SUCO: variants seen among roughly 807,000 people sequenced by gnomAD.
SUCO encodes the protein SUN domain containing ossification factor.
SUCO carries 57 observed loss-of-function variants against 148.1 expected under a neutral mutation model. The observed-to-expected ratio is 0.38, with a 90% CI of 0.31 to 0.48. SUCO has a LOEUF of 0.48. SUCO is among the 20% of genes least tolerant of loss of function. The pLI is 0.96. For missense variants in SUCO, 1,331 were observed against 1,468.2 expected (o/e 0.91, Z 1.53); for synonymous variants, 470 against 502.7 (o/e 0.93, Z 0.87).
At chr1:172,593,399 T>C (rs967839275) in intron 19 of SUCO, among the ~76,000 whole-genome samples, 6 of 152,254 alleles carry the variant, frequency 3.9e-5, no homozygotes, top group Non-Finnish European at 5.9e-5. Flanking sequence ...CAGTATGATA[T>C]TGGCTGTGGG....
chr1:172,559,345 G>C (rs1653971926), intron 6 of SUCO, among the ~76,000 whole-genome samples: 1 of 152,170 alleles, frequency 6.6e-6, no homozygotes, highest in African/African-American at 2.4e-5. Flanking sequence ...TTTTGTATTT[G>C]AGCTTTACTT....
rs557718140 is a variant in SUCO at position 172,573,700 on chromosome 1, C to T, written c.1050-191C>T. Among the ~76,000 whole-genome samples the T allele has an allele frequency of 2.3e-4, 35 of 152,126 alleles. No homozygotes were observed. In the South Asian group the frequency reaches 6.9e-3, roughly 30 times the overall value. On this transcript the variant is annotated intron_variant, in intron 9 of 23. Transcript: ENST00000263688. ...TTGTTTTATTTACAGGTCTTTTCCC[C>T]CCACTAATGGTATCCTTTGGGAAGT...
At chr1:172,539,034 G>GA (rs1652238846) in intron 1 of SUCO, among the ~76,000 whole-genome samples, 1 of 152,112 alleles carries the variant, frequency 6.6e-6, no homozygotes. Flanking sequence ...ACAGGCAATG[G>GA]AAAAAATAAA....
chr1:172,589,299 T>C lies in SUCO; in HGVS notation c.2198T>C (p.Leu733Pro). The change falls in exon 18 of 24, where the codon CTT becomes CCT. Residue 733 changes from leucine to proline, a missense_variant. Leu to Pro is a moderately conservative substitution (Grantham distance 98, BLOSUM62 -3). Around this residue, in one of 3 missense-constraint regions of SUCO, gnomAD observed 992 missense variants for 1,093.5 expected, o/e 0.91. Transcript: ENST00000263688. The stretch of plus-strand genomic sequence containing the variant: ...CATTCTCAAACTCTTTCTCAGTCTC[T>C]TCTTTTAGATATTACCCCAGAAATC... ...PSHSQTLSQS[L>P]LLDITPEINP... is the part of the protein sequence containing the mutation. 6.2e-7 allele frequency: 1 copy of C among 1,613,522 alleles called. No individual in the cohort carries two copies. The highest frequency in any genetic ancestry group is 8.5e-7 in the Non-Finnish European group (1 of 1,179,754).
chr1:172,609,913 C>T lies in SUCO; in HGVS notation c.3419C>T (p.Pro1140Leu). 6.2e-7 allele frequency: 1 copy of T among 1,613,850 alleles called. No individual in the cohort carries two copies. The highest frequency in any genetic ancestry group is 8.5e-7 in the Non-Finnish European group (1 of 1,179,844). ...IANGDIKGRK[P>L]FTNQRDFSNM... ...AATGGCGACATAAAAGGAAGAAAGC[C>T]CTTTACGAACCAGAGAGATTTTTCT... The change falls in exon 24 of 24, where the codon CCC (proline) becomes CTC (leucine). Residue 1140 changes from proline (P) to leucine (L), a missense_variant. Pro to Leu is a moderately conservative substitution (Grantham distance 98). This residue lies in a region of SUCO where 334 missense variants were observed against 352.3 expected (regional missense o/e 0.95). Transcript: ENST00000263688.
chr1:172,579,363 G>T, intron 15 of SUCO, 96 bp downstream of exon 15: 1 of 699,152 alleles, frequency 1.4e-6, no homozygotes, highest in South Asian at 1.9e-5. Context: ...AATTCTCCCA[G>T]TGTTGAACTT....
intron 1 of SUCO, among the ~76,000 whole-genome samples, chr1:172,536,479 A>C (rs1330351519): frequency 6.6e-6 from 1 of 152,148 alleles, no homozygotes; most frequent in Non-Finnish European, 1.5e-5. Context: ...TTTCATCATA[A>C]CATTATTCAA....
intron 15 of SUCO, among the ~76,000 whole-genome samples, chr1:172,580,877 G>C (rs1048570469): frequency 3.9e-5 from 6 of 152,134 alleles, no homozygotes; most frequent in Admixed American, 2.0e-4. Context: ...CTAGATAGGC[G>C]GATGACCTGA....
chr1:172,551,386 TA>T, intron 1 of SUCO, 125 bp from the exon 2 acceptor site: 2 of 541,546 alleles, frequency 3.7e-6, no homozygotes, highest in South Asian at 5.6e-5. Flanking sequence ...GGTATTAGGA[TA>T]GGAACCATCT....
chr1:172,578,501 CTTTTG>C (rs1655631311), intron 14 of SUCO, 112 bp downstream of exon 14: 2 of 1,379,782 alleles, frequency 1.4e-6, no homozygotes, highest in East Asian at 2.7e-5. Context: ...TGTCTTCAGG[CTTTTG>C]TTTTGTTGTT....
intron 9 of SUCO, among the ~76,000 whole-genome samples, chr1:172,572,596 A>G (rs959958453): frequency 6.6e-5 from 10 of 151,046 alleles, no homozygotes; most frequent in Admixed American, 6.6e-4. Context: ...TAGGAAAACC[A>G]GAGACCTTTG....
chr1:172,577,569 C>T lies in SUCO; in HGVS notation c.1284+10C>T. On this transcript the variant is annotated intron_variant, in intron 12 of 23. Coordinates refer to ENST00000263688, the MANE Select transcript of SUCO (RefSeq NM_014283.5). Reference sequence around the variant, plus strand: ...CATCAAGTACATAAAGGTTAGCAACCTTCTCTTTTGCACTATTAAATAACA... The same window carrying T: ...CATCAAGTACATAAAGGTTAGCAACTTTCTCTTTTGCACTATTAAATAACA... The T allele has an allele frequency of 1.9e-6, 3 of 1,610,514 alleles. No individual in the cohort carries two copies. Among genetic ancestry groups the T allele is most frequent in the Non-Finnish European group, 2.5e-6 (3 of 1,178,216 alleles).
chr1:172,556,131 A>G, intron 4 of SUCO, 108 bp downstream of exon 4: 2 of 776,140 alleles, frequency 2.6e-6, no homozygotes, highest in Non-Finnish European at 4.1e-6. Flanking sequence ...AGTTTAGGCT[A>G]TATAGCAGAC....
intron 10 of SUCO, among the ~76,000 whole-genome samples, chr1:172,575,220 T>C (rs549881054): frequency 6.6e-6 from 1 of 152,062 alleles, no homozygotes; most frequent in South Asian, 2.1e-4. Context: ...GCCACCTTCT[T>C]CCAAGACAGT....
At chr1:172,562,465 G>A (rs893907661) in intron 6 of SUCO, among the ~76,000 whole-genome samples, 8 of 151,900 alleles carry the variant, frequency 5.3e-5, no homozygotes, top group Non-Finnish European at 8.8e-5. Context: ...TCCCATAGCT[G>A]GGACTACAGG....
At chr1:172,540,817 G>A (rs1326445691) in intron 1 of SUCO, among the ~76,000 whole-genome samples, 2 of 152,138 alleles carry the variant, frequency 1.3e-5, no homozygotes, top group Non-Finnish European at 2.9e-5. Context: ...GAGAAAGAGA[G>A]TTATGAATGG....
At chr1:172,558,776 G>C (rs191117218) in intron 6 of SUCO, among the ~76,000 whole-genome samples, 5 of 152,270 alleles carry the variant, frequency 3.3e-5, no homozygotes, top group Admixed American at 2.6e-4. Flanking sequence ...AATAAAATTA[G>C]ACAAACGTTA....
intron 6 of SUCO, among the ~76,000 whole-genome samples, chr1:172,562,476 C>T (rs773309980): frequency 2.6e-5 from 4 of 152,134 alleles, no homozygotes; most frequent in South Asian, 2.1e-4. Context: ...GGACTACAGG[C>T]GTGCACCACC....
chr1:172,583,496 C>T (rs114384078), intron 15 of SUCO, among the ~76,000 whole-genome samples: 196 of 152,214 alleles, frequency 1.3e-3, no homozygotes, highest in African/African-American at 4.6e-3. Flanking sequence ...ACTATTTCTC[C>T]CATCCTGAAG....
Sources: gnomAD v4.1 joint callset for allele counts (sites outside exome capture counted in the v4.1 genomes callset) on GRCh38, gnomAD v4.1.1 for gene constraint, gnomAD v4.1.1 regional missense constraint, MANE v1.5 for transcripts, NCBI Gene and HGNC (gene_info 2026-07-23, HGNC 2026-07-21) for gene names.